RAB27B: variants seen among roughly 807,000 people sequenced by gnomAD.
RAB27B encodes ras-related protein Rab-27B.
RAB27B carries 15 observed loss-of-function variants against 24.6 expected under a neutral mutation model. That is an observed-to-expected ratio of 0.61 (90% CI 0.41 to 0.94). The LOEUF (loss-of-function observed/expected upper bound fraction) is 0.94. RAB27B is among the 40% of genes least tolerant of loss of function. The pLI is 0.00. For missense variants in RAB27B, 261 were observed against 266.8 expected, an observed-to-expected ratio of 0.98 and a Z score of 0.15; for synonymous variants, 105 against 92.5, an observed-to-expected ratio of 1.14 and a Z score of -0.78.
chr18:54,821,728 T>C (rs1230347674), intron 2 of RAB27B, among the ~76,000 whole-genome samples: 2 of 152,258 alleles, frequency 1.3e-5, no homozygotes, highest in Non-Finnish European at 2.9e-5. Flanking sequence ...GATTCTTTGC[T>C]ATCATCAAAC....
intron 3 of RAB27B, among the ~76,000 whole-genome samples, chr18:54,883,978 G>T (rs1248490872): frequency 6.6e-6 from 1 of 152,108 alleles, no homozygotes; most frequent in Non-Finnish European, 1.5e-5. Flanking sequence ...GGAAAGTATA[G>T]GTTAAAGTCC....
At chr18:54,768,568 A>G (rs893344517) in intron 2 of RAB27B, among the ~76,000 whole-genome samples, 3 of 152,024 alleles carry the variant, frequency 2.0e-5, no homozygotes, top group Non-Finnish European at 2.9e-5. Context: ...AATGTCAGCA[A>G]TCTAACTCTC....
Position 54,870,294 on chromosome 18 carries a change from A to G in RAB27B, c.-19-7273A>G, listed in dbSNP as rs114787756. On this transcript the variant is annotated intron_variant, in intron 1 of 5. Coordinates refer to ENST00000262094, the MANE Select transcript of RAB27B (RefSeq NM_004163.4). ...AGAAATGTAAAGATGATTCTACATAAGGAAATCCATTAAAATCCAGCTAAG... is the reference window on the plus strand; with the variant it reads ...AGAAATGTAAAGATGATTCTACATAGGGAAATCCATTAAAATCCAGCTAAG... Among the ~76,000 whole-genome samples the G allele has an allele frequency of 4.1e-3, 631 of 152,296 alleles. 4 individuals carry two copies. Among genetic ancestry groups the G allele is most frequent in the African/African-American group, 0.015 (603 of 41,580 alleles).
At chr18:54,746,761 A>G (rs777170748) in intron 2 of RAB27B, among the ~76,000 whole-genome samples, 7 of 152,204 alleles carry the variant, frequency 4.6e-5, no homozygotes, top group Non-Finnish European at 1.0e-4. Flanking sequence ...AAACACAATC[A>G]GTATATGTAA....
At chr18:54,869,224 A>G (rs1419373442) in intron 1 of RAB27B, among the ~76,000 whole-genome samples, 1 of 152,230 alleles carries the variant, frequency 6.6e-6, no homozygotes, top group Admixed American at 6.5e-5. Context: ...TCTGGGATCA[A>G]AATAGCTTTG....
At chr18:54,833,065 G>C (rs1237941405) in intron 1 of RAB27B, among the ~76,000 whole-genome samples, 1 of 152,096 alleles carries the variant, frequency 6.6e-6, no homozygotes, top group East Asian at 1.9e-4. Context: ...ACTTAACGAA[G>C]GTGTTGTCTG....
chr18:54,744,743 T>G (rs538501219), intron 2 of RAB27B: 1 of 154,074 alleles, frequency 6.5e-6, no homozygotes, highest in Non-Finnish European at 1.4e-5. Context: ...AGGGAAACTT[T>G]TACAATGGCC....
At chr18:54,852,666 G>T (rs1911632806) in intron 1 of RAB27B, among the ~76,000 whole-genome samples, 1 of 152,162 alleles carries the variant, frequency 6.6e-6, no homozygotes, top group Admixed American at 6.5e-5. Context: ...TGAGCATGAA[G>T]GCTTATTGAA....
intron 2 of RAB27B, among the ~76,000 whole-genome samples, chr18:54,818,750 C>T (rs1165672844): frequency 2.0e-5 from 3 of 152,178 alleles, no homozygotes; most frequent in Non-Finnish European, 4.4e-5. Flanking sequence ...AACAACGTGA[C>T]TAGTGTTCAC....
chr18:54,741,878 G>C (rs1910083881), intron 2 of RAB27B, among the ~76,000 whole-genome samples: 3 of 152,108 alleles, frequency 2.0e-5, no homozygotes, highest in Admixed American at 1.3e-4. Context: ...GCTGGCAGTA[G>C]GTAAGAAGTC....
chr18:54,728,659 G>C (rs1909620502), intron 2 of RAB27B, among the ~76,000 whole-genome samples: 1 of 151,982 alleles, frequency 6.6e-6, no homozygotes, highest in African/African-American at 2.4e-5. Flanking sequence ...CTGAGCACTT[G>C]AGGTCAGGGG....
chr18:54,746,286 C>T (rs911075439), intron 2 of RAB27B, among the ~76,000 whole-genome samples: 6 of 152,118 alleles, frequency 3.9e-5, no homozygotes, highest in Non-Finnish European at 7.3e-5. Flanking sequence ...TCCTAATTGC[C>T]GGTCGGATGA....
At chr18:54,852,965 G>A (rs1309775438) in intron 1 of RAB27B, among the ~76,000 whole-genome samples, 1 of 152,162 alleles carries the variant, frequency 6.6e-6, no homozygotes, top group Non-Finnish European at 1.5e-5. Flanking sequence ...AACGCAATAT[G>A]AGTATCTGTC....
intron 1 of RAB27B, among the ~76,000 whole-genome samples, chr18:54,860,441 C>T (rs1410573044): frequency 6.6e-6 from 1 of 152,154 alleles, no homozygotes; most frequent in Non-Finnish European, 1.5e-5. Flanking sequence ...AGAACCACCA[C>T]TCTCCTCATT....
At chr18:54,769,609 A>G (rs1035857167) in intron 2 of RAB27B, among the ~76,000 whole-genome samples, 3 of 152,088 alleles carry the variant, frequency 2.0e-5, no homozygotes, top group Non-Finnish European at 4.4e-5. Flanking sequence ...TTTTGTTTAC[A>G]CTATTAGGGT....
At chr18:54,851,412 CA>C (rs1183831378) in intron 1 of RAB27B, among the ~76,000 whole-genome samples, 2 of 152,162 alleles carry the variant, frequency 1.3e-5, no homozygotes, top group Admixed American at 6.5e-5. Context: ...AGCAAACCTG[CA>C]AAATCTATCT....
chr18:54,814,797 T>C (rs1598925168), intron 2 of RAB27B, among the ~76,000 whole-genome samples: 1 of 152,226 alleles, frequency 6.6e-6, no homozygotes, highest in South Asian at 2.1e-4. Context: ...ATTCAGTTAC[T>C]TGAGTATATA....
At position 54,884,275 on chromosome 18, in the gene RAB27B, T is replaced by G; in HGVS notation, c.240-58T>G. The G allele has an allele frequency of 2.9e-6, 3 of 1,026,928 alleles. No individual in the cohort carries two copies. The South Asian group carries it at 4.0e-5, about 14-fold the overall frequency. 63.6% of individuals were successfully genotyped at this position (1,026,928 alleles called of 1,614,324 possible). A position where few individuals can be genotyped will look rare whatever the true frequency, so the allele number is the denominator to read the frequency against. ...CCTGAAAGGGAAACTGTTATTTGTG[T>G]TGTTGTCAAAGATATGTGGACTAAC... On this transcript the variant is annotated intron_variant, in intron 3 of 5. Transcript: ENST00000262094.
chr18:54,780,327 C>CT (rs1305599022), intron 2 of RAB27B, among the ~76,000 whole-genome samples: 1 of 5,350 alleles, frequency 1.9e-4, no homozygotes, highest in Non-Finnish European at 4.8e-4. Flanking sequence ...GAAGGCTTCG[C>CT]CTCACCGTGT....
Sources: gnomAD v4.1 joint callset for allele counts (sites outside exome capture counted in the v4.1 genomes callset) on GRCh38, gnomAD v4.1.1 for gene constraint, MANE v1.5 for transcripts, NCBI Gene and HGNC (gene_info 2026-07-23, HGNC 2026-07-21) for gene names.